Variants in RIMS2 observed in about 807,000 individuals in gnomAD.
RIMS2 encodes regulating synaptic membrane exocytosis 2.
A neutral mutation model predicts 174.4 loss-of-function variants in RIMS2; 59 were observed. The ratio of observed to expected loss-of-function variants is 0.34; its 90% confidence interval spans 0.27 to 0.42. The LOEUF (loss-of-function observed/expected upper bound fraction) is 0.42, where lower values mean the gene tolerates loss of function less well. RIMS2 is among the 10% of genes least tolerant of loss of function. The probability of loss-of-function intolerance (pLI) is 1.00; values close to 1 mark genes in which losing one functional copy is unlikely to be tolerated. For synonymous variants in RIMS2, 606 were observed against 572.5 expected, an observed-to-expected ratio of 1.06 and a Z score of -0.84; for missense variants, 1,620 against 1,666.3, an observed-to-expected ratio of 0.97 and a Z score of 0.48.
chr8:103,559,534 C>G (rs1318254223), intron 1 of RIMS2: 1 of 191,426 alleles, frequency 5.2e-6, no homozygotes, highest in East Asian at 1.7e-4. Flanking sequence ...GCAGAGATGG[C>G]TTTTAAGAGC....
chr8:104,146,163 A>C (rs1228245904), intron 19 of RIMS2, among the ~76,000 whole-genome samples: 11 of 139,892 alleles, frequency 7.9e-5, no homozygotes, highest in Non-Finnish European at 1.7e-4. Flanking sequence ...CCAGGAGTTG[A>C]GACCAGCCCG....
exon 22 of RIMS2, chr8:104,249,518 G>T: frequency 6.2e-7 from 1 of 1,611,768 alleles, no homozygotes; most frequent in Non-Finnish European, 8.5e-7. Flanking sequence ...TGGACAAAAA[G>T]GGACAGCTGG....
At chr8:103,966,524 C>T (rs1595988923) in intron 15 of RIMS2, among the ~76,000 whole-genome samples, 1 of 151,898 alleles carries the variant, frequency 6.6e-6, no homozygotes, top group Non-Finnish European at 1.5e-5. Flanking sequence ...TCTTAATTAG[C>T]CTGTCTAGAG....
intron 19 of RIMS2, among the ~76,000 whole-genome samples, 172 bp downstream of exon 21, chr8:104,014,787 T>C (rs1315185426): frequency 6.6e-6 from 1 of 152,200 alleles, no homozygotes; most frequent in Non-Finnish European, 1.5e-5. Flanking sequence ...TAAAAATTTG[T>C]AATATTTCCA....
rs117918302 is a variant in RIMS2, at chr8:104,157,771, A to G, written c.3335-87145A>G. Among the ~76,000 whole-genome samples, 44 of 152,262 alleles carry G rather than the reference A, an allele frequency of 2.9e-4. No individual in the cohort carries two copies. The East Asian group carries it at 6.4e-3, about 22-fold the overall frequency. ...CCTTCTGGCTATTGTGAATAATGCT[A>G]CTATGTATATGGGGGTACAAATATT... On this transcript the variant is annotated intron_variant, in intron 19 of 23. Transcript: ENST00000504942.
intron 15 of RIMS2, among the ~76,000 whole-genome samples, chr8:103,963,210 G>C (rs1357165979): frequency 6.6e-6 from 1 of 151,754 alleles, no homozygotes; most frequent in Non-Finnish European, 1.5e-5. Context: ...TATATTTTCT[G>C]GGTAAAGCAA....
intron 19 of RIMS2, among the ~76,000 whole-genome samples, chr8:104,043,410 T>C (rs2096642239): frequency 6.6e-6 from 1 of 151,608 alleles, no homozygotes; most frequent in Non-Finnish European, 1.5e-5. Flanking sequence ...ACTTCGGATG[T>C]AGTAATTAAT....
At chr8:103,790,346 A>G (rs564832023) in intron 3 of RIMS2, among the ~76,000 whole-genome samples, 105 of 152,354 alleles carry the variant, frequency 6.9e-4, no homozygotes, top group African/African-American at 2.5e-3. Flanking sequence ...TAAAAATAGT[A>G]TCATGCAATT....
At chr8:104,000,552 T>G (rs1273422603) in intron 17 of RIMS2, among the ~76,000 whole-genome samples, 1 of 151,848 alleles carries the variant, frequency 6.6e-6, no homozygotes, top group Non-Finnish European at 1.5e-5. Flanking sequence ...CATACTGATT[T>G]CCTTTCTCAT....
At chr8:103,774,064 C>T (rs2154429633) in intron 3 of RIMS2, among the ~76,000 whole-genome samples, 1 of 152,182 alleles carries the variant, frequency 6.6e-6, no homozygotes, top group East Asian at 1.9e-4. Context: ...ATTGCTTGAA[C>T]CCGGGAGGCA....
At chr8:103,641,726 G>T (rs1397459752) in intron 1 of RIMS2, among the ~76,000 whole-genome samples, 1 of 151,974 alleles carries the variant, frequency 6.6e-6, no homozygotes, top group East Asian at 1.9e-4. Context: ...TCTCATGAGT[G>T]TTGGTTGTTA....
chr8:103,735,016 C>T (rs2097667338), intron 2 of RIMS2, among the ~76,000 whole-genome samples: 1 of 152,078 alleles, frequency 6.6e-6, no homozygotes, highest in African/African-American at 2.4e-5. Context: ...TTAGATTCCC[C>T]TGCGTCTGGG....
In RIMS2 at chr8:104,177,814, G is replaced by T. The variant is rs76379322; in HGVS notation, c.3335-67102G>T. Among the ~76,000 whole-genome samples, 1,273 of 152,054 alleles carry T rather than the reference G, an allele frequency of 8.4e-3. 16 individuals carry two copies. The highest frequency in any genetic ancestry group is 0.03 in the African/African-American group (1,231 of 41,470). On this transcript the variant is annotated intron_variant, in intron 19 of 23. Coordinates refer to ENST00000504942, the Ensembl canonical transcript of RIMS2. ...TTTTTTACTGTAAAATGCTGGCCTC[G>T]GTGTCTATCATTAAATTAACATTTG... is the stretch of plus-strand genomic sequence containing the variant.
At chr8:103,581,965 G>A (rs892784421) in intron 1 of RIMS2, among the ~76,000 whole-genome samples, 1 of 152,228 alleles carries the variant, frequency 6.6e-6, no homozygotes. Context: ...CCAGGGGAAT[G>A]TAAGCATCAC....
At chr8:104,106,611 T>C (rs916234572) in intron 19 of RIMS2, among the ~76,000 whole-genome samples, 3 of 152,130 alleles carry the variant, frequency 2.0e-5, no homozygotes, top group African/African-American at 7.2e-5. Context: ...CATTAAGGAG[T>C]AAAATGAATT....
chr8:103,934,194 TTTTAAAAAAGGATTAGGTTGGATTTTA>T (rs2154533598), intron 12 of RIMS2, among the ~76,000 whole-genome samples: 1 of 152,232 alleles, frequency 6.6e-6, no homozygotes, highest in Non-Finnish European at 1.5e-5. Flanking sequence ...GAAAATAAAT[TTTTAAAAAAGGATTAGGTTGGATTTTA>T]TTTTTTAAAA....
At chr8:103,726,745 A>ATATATATATT (rs2097531566) in intron 2 of RIMS2, among the ~76,000 whole-genome samples, 1 of 147,468 alleles carries the variant, frequency 6.8e-6, no homozygotes, top group African/African-American at 2.5e-5. Context: ...ATATATATAT[A>ATATATATATT]TTTTTGAGAC....
At chr8:103,557,827 C>G (rs1052947017) in intron 1 of RIMS2, among the ~76,000 whole-genome samples, 3 of 152,094 alleles carry the variant, frequency 2.0e-5, no homozygotes, top group African/African-American at 7.2e-5. Flanking sequence ...GTACATAAAT[C>G]AAGCATAACA....
At chr8:103,744,126 A>G (rs1166827006) in intron 2 of RIMS2, among the ~76,000 whole-genome samples, 1 of 152,114 alleles carries the variant, frequency 6.6e-6, no homozygotes, top group East Asian at 1.9e-4. Flanking sequence ...GCTAACTGCA[A>G]CCTCTGCCTC....
Sources: allele counts gnomAD v4.1 joint callset (sites outside exome capture counted in the v4.1 genomes callset), GRCh38; gene constraint gnomAD v4.1.1; transcripts MANE v1.5; gene names NCBI Gene and HGNC (gene_info 2026-07-23, HGNC 2026-07-21).